The following CCDC88C variants were observed in gnomAD, a reference collection of about 807,000 sequenced individuals.
CCDC88C encodes protein Daple.
In CCDC88C, 131 loss-of-function variants were observed where a neutral mutation model predicts 198.8. The ratio of observed to expected loss-of-function variants is 0.66; its 90% CI spans 0.57 to 0.76. The LOEUF (loss-of-function observed/expected upper bound fraction) is 0.76, where lower values mean the gene tolerates loss of function less well. Ranked by LOEUF, CCDC88C falls within the 30% of genes least tolerant of loss-of-function variation. The probability of loss-of-function intolerance (pLI) is 0.00; values close to 1 mark genes in which losing one functional copy is unlikely to be tolerated. For synonymous variants in CCDC88C, 1,166 were observed against 1,114.7 expected (o/e 1.05, Z -0.92); for missense variants, 2,553 against 2,631.6 (o/e 0.97, Z 0.65).
intron 3 of CCDC88C, among the ~76,000 whole-genome samples, chr14:91,378,280 A>C (rs1264621890): frequency 6.6e-5 from 10 of 152,188 alleles, no homozygotes; most frequent in Non-Finnish European, 1.3e-4. Flanking sequence ...GGGTGACAAG[A>C]GAAGCAGGGG....
rs1032482174 is a variant in CCDC88C, at chr14:91,291,081, G to C, written c.4116C>G (p.Asp1372Glu). 6.5e-7 allele frequency: 1 copy of C among 1,534,866 alleles called. No homozygotes were observed. The highest frequency in any genetic ancestry group is 1.4e-5 in the African/African-American group (1 of 73,668). Residue 1372 changes from aspartate to glutamate, a missense_variant, in exon 24 of 30, where the codon GAC (aspartate) becomes GAG (glutamate). By Grantham distance (45) the Asp-to-Glu change is conservative. Transcript: ENST00000389857. The stretch of plus-strand genomic sequence containing the variant: ...TATGTCTTCGTAAGGCATTTAATTT[G>C]TCTCTGTGAATATAGGAGAAAGAAA... ...QYHEEQKQYI[D>E]KLNALRRHKE...
chr14:91,361,422 CG>C (rs1267475033), intron 3 of CCDC88C, among the ~76,000 whole-genome samples: 1 of 152,166 alleles, frequency 6.6e-6, no homozygotes, highest in African/African-American at 2.4e-5. Flanking sequence ...CAGATTAGAA[CG>C]GGGGCCGAGG....
At chr14:91,366,346 C>A (rs1894538642) in intron 3 of CCDC88C, among the ~76,000 whole-genome samples, 1 of 152,120 alleles carries the variant, frequency 6.6e-6, no homozygotes, top group African/African-American at 2.4e-5. Context: ...ACTAGCCAGG[C>A]ACAGTGGCAT....
intron 10 of CCDC88C, among the ~76,000 whole-genome samples, chr14:91,327,983 G>C (rs1054177483): frequency 1.3e-5 from 2 of 152,204 alleles, no homozygotes; most frequent in Non-Finnish European, 2.9e-5. Context: ...TTCTGGGTCT[G>C]CTCTGAGGCC....
intron 3 of CCDC88C, among the ~76,000 whole-genome samples, chr14:91,406,567 G>A (rs1422658871): frequency 2.0e-5 from 3 of 152,246 alleles, no homozygotes; most frequent in African/African-American, 4.8e-5. Flanking sequence ...CTGCCCGCAC[G>A]CAGGCTGGGT....
intron 15 of CCDC88C, among the ~76,000 whole-genome samples, chr14:91,310,712 G>C (rs1380121328): frequency 1.3e-5 from 2 of 152,146 alleles, no homozygotes; most frequent in East Asian, 1.9e-4. Flanking sequence ...ACCCGGCCTT[G>C]GTCTACTTTT....
intron 29 of CCDC88C, among the ~76,000 whole-genome samples, chr14:91,276,728 C>CA (rs1176257915): frequency 6.6e-6 from 1 of 152,196 alleles, no homozygotes; most frequent in Non-Finnish European, 1.5e-5. Flanking sequence ...TAAGAATCCT[C>CA]AAAAGGGCTC....
In CCDC88C at chr14:91,285,258, TA is replaced by T. The variant is rs550595203; in HGVS notation, c.4442-1742del. On this transcript the variant is annotated intron_variant, in intron 25 of 29. Transcript: ENST00000389857. ...AATTTAGCTGCTTAAAAATAAGTCT[TA>T]AAAAAAACCCTCACTTGACAGAGGC... 3.5e-4 allele frequency: 89 copies of T among 253,214 alleles called. 1 individual carries two copies. Among genetic ancestry groups the T allele is most frequent in the South Asian group, 3.3e-3 (84 of 25,576 alleles). The allele number at this position is 253,214 out of a possible 1,614,324, so 15.7% of individuals were successfully genotyped here. A position where few individuals can be genotyped will look rare whatever the true frequency, so the allele number is the denominator to read the frequency against.
chr14:91,291,326 C>T (rs894689384), intron 23 of CCDC88C, among the ~76,000 whole-genome samples: 11 of 152,300 alleles, frequency 7.2e-5, no homozygotes, highest in East Asian at 1.9e-4. Flanking sequence ...CAGCTGTGAG[C>T]GAGCTCAAGG....
chr14:91,303,324 A>C (rs886564356), intron 20 of CCDC88C, among the ~76,000 whole-genome samples: 2 of 130,558 alleles, frequency 1.5e-5, no homozygotes, highest in Non-Finnish European at 1.7e-5. Context: ...TCCAGGCTCC[A>C]CCTCTCCTCC....
intron 3 of CCDC88C, among the ~76,000 whole-genome samples, chr14:91,367,604 T>G (rs1029599771): frequency 6.6e-6 from 1 of 151,606 alleles, no homozygotes; most frequent in African/African-American, 2.4e-5. Context: ...GGGAGGGAGG[T>G]AGACAGTGGC....
intron 2 of CCDC88C, among the ~76,000 whole-genome samples, chr14:91,415,580 C>G (rs977409176): frequency 6.6e-6 from 1 of 152,018 alleles, no homozygotes; most frequent in Admixed American, 6.6e-5. Context: ...ATTAGCCGGG[C>G]GTGGTGGCGC....
intron 3 of CCDC88C, among the ~76,000 whole-genome samples, chr14:91,403,090 A>G (rs1208532106): frequency 6.6e-6 from 1 of 152,158 alleles, no homozygotes; most frequent in Non-Finnish European, 1.5e-5. Context: ...GAAGGAGGGC[A>G]CTCAGGAGGC....
intron 3 of CCDC88C, among the ~76,000 whole-genome samples, chr14:91,399,644 C>T (rs1886053042): frequency 6.6e-6 from 1 of 152,076 alleles, no homozygotes; most frequent in Non-Finnish European, 1.5e-5. Context: ...TCAAGACCAG[C>T]CTGGCCAACA....
intron 27 of CCDC88C, 149 bp downstream of exon 27, chr14:91,281,308 C>A: frequency 6.5e-7 from 1 of 1,528,998 alleles, no homozygotes; most frequent in Non-Finnish European, 8.8e-7. Flanking sequence ...CGCTCAGCCC[C>A]CTGGGGAGGG....
Position 91,303,922 on chromosome 14 carries a change from C to T in CCDC88C, c.3414G>A (p.Leu1138=). 6.2e-7 allele frequency: 1 copy of T among 1,612,004 alleles called. No homozygotes were observed. The highest frequency in any genetic ancestry group is 8.5e-7 in the Non-Finnish European group (1 of 1,179,884). ...QSAALTAQYT[L]LQNHHTAKET... ...CCTTGGCCGTGTGGTGGTTCTGCAG[C>T]AGCGTGTACTGCGCGGTGAGCGCTG... The change falls in exon 20 of 30, where the codon CTG becomes CTA. Residue 1138 remains leucine (L), a synonymous_variant. Transcript: ENST00000389857.
chr14:91,336,058 G>A (rs542927961), intron 10 of CCDC88C, among the ~76,000 whole-genome samples: 1 of 152,246 alleles, frequency 6.6e-6, no homozygotes, highest in African/African-American at 2.4e-5. Flanking sequence ...TCTTTCTCTT[G>A]TGATTAATAA....
intron 21 of CCDC88C, among the ~76,000 whole-genome samples, chr14:91,298,331 G>C (rs559597334): frequency 1.3e-5 from 2 of 151,720 alleles, no homozygotes; most frequent in Non-Finnish European, 2.9e-5. Flanking sequence ...CCGAGATCGC[G>C]CCACTGCACT....
chr14:91,409,187 GTTT>G (rs11290091), intron 2 of CCDC88C, among the ~76,000 whole-genome samples: 2 of 146,772 alleles, frequency 1.4e-5, no homozygotes. Context: ...AAAAATGGTA[GTTT>G]TTTTTTTTTT....
Sources: allele counts gnomAD v4.1 joint callset (sites outside exome capture counted in the v4.1 genomes callset), GRCh38; gene constraint gnomAD v4.1.1; transcripts MANE v1.5; gene names NCBI Gene and HGNC (gene_info 2026-07-23, HGNC 2026-07-21).